Variants in HGFAC observed in about 807,000 individuals in gnomAD.
HGFAC encodes the protein hepatocyte growth factor activator serine protease.
A neutral mutation model predicts 70.6 loss-of-function variants in HGFAC; 76 were observed. The observed-to-expected ratio is 1.08, with a 90% confidence interval of 0.89 to 1.30. The LOEUF (loss-of-function observed/expected upper bound fraction) is 1.30. Ranked by LOEUF, HGFAC falls within the 50% of genes most tolerant of loss-of-function variation. The pLI is 0.00. For missense variants in HGFAC, 1,044 were observed against 933.7 expected, an observed-to-expected ratio of 1.12 and a Z score of -1.54; for synonymous variants, 464 against 405.3, an observed-to-expected ratio of 1.14 and a Z score of -1.74.
chr4:3,445,712 G>A (rs750945186), intron 9 of HGFAC: 1 of 693,448 alleles, frequency 1.4e-6, no homozygotes, highest in Non-Finnish European at 2.4e-6. Context: ...GGCTCCCTAG[G>A]ACCCCGGCGG....
Position 3,444,075 on chromosome 4 carries a change from A to G in HGFAC, c.512A>G (p.Asn171Ser), listed in dbSNP as rs190628296. ...LDPCASGPCL[N>S]GGSCSNTQDP... is the part of the protein sequence containing the mutation. Reference sequence around the variant, plus strand: ...CCCTGTGCCTCCGGCCCCTGCCTCAATGGAGGCTCCTGCTCCAATACCCAG... The same window carrying G: ...CCCTGTGCCTCCGGCCCCTGCCTCAGTGGAGGCTCCTGCTCCAATACCCAG... The change falls in exon 5 of 14, where the codon AAT becomes AGT. Residue 171 changes from asparagine to serine, a missense_variant. By Grantham distance (46) the Asn-to-Ser change is conservative (BLOSUM62 1). Transcript: ENST00000382774. The G allele has an allele frequency of 6.4e-5, 103 of 1,610,378 alleles. No individual in the cohort carries two copies. The highest frequency in any genetic ancestry group is 5.6e-4 in the African/African-American group (42 of 74,790).
In HGFAC at chr4:3,442,992, C is replaced by T. The variant is rs1017849175; in HGVS notation, c.299-58C>T. Reference sequence around the variant, plus strand: ...GAGGAGCATGGCTGCGGCTGGAGGTCCTGAGGGGCTCGGGTGCCCCTCGAG... The same window carrying T: ...GAGGAGCATGGCTGCGGCTGGAGGTTCTGAGGGGCTCGGGTGCCCCTCGAG... On this transcript the variant is annotated intron_variant, in intron 2 of 13. Coordinates refer to ENST00000382774, the MANE Select transcript of HGFAC (RefSeq NM_001528.4). 51 of 1,548,348 alleles carry T rather than the reference C, an allele frequency of 3.3e-5. No individual in the cohort carries two copies. The Admixed American group carries it at 7.2e-4, about 22-fold the overall frequency.
chr4:3,444,699 C>T lies in HGFAC; in HGVS notation c.807C>T (p.Cys269=), dbSNP rs1345218561. The T allele has an allele frequency of 6.3e-7, 1 of 1,597,188 alleles. No homozygotes were observed. The highest frequency in any genetic ancestry group is 1.1e-5 in the South Asian group (1 of 90,134). Residue 269 remains cysteine, a synonymous_variant, in exon 7 of 14, where the codon TGC becomes TGT. Coordinates refer to ENST00000382774, the MANE Select transcript of HGFAC (RefSeq NM_001528.4). The part of the protein sequence containing the change: ...IVATGTTVCA[C]PPGFAGRLCN... ...CCACCGGGACCACCGTGTGTGCCTG[C>T]CCACCAGGCTTCGCTGGACGGCTCT...
chr4:3,444,447 G>A lies in HGFAC; in HGVS notation c.730+5G>A, dbSNP rs565642688. On this transcript the variant is annotated splice_donor_5th_base_variant and intron_variant, in intron 6 of 13. Transcript: ENST00000382774. ...GCGAAGGCACCCGACATACAGGTGC[G>A]CCACGGGGTGTGAGCCGTGCCACTG... is the stretch of plus-strand genomic sequence containing the variant. 20 of 1,587,198 alleles carry A rather than the reference G, an allele frequency of 1.3e-5. No individual in the cohort carries two copies. The highest frequency in any genetic ancestry group is 4.5e-5 in the East Asian group (2 of 44,316).
chr4:3,446,875 G>A (rs967874803), intron 10 of HGFAC, among the ~76,000 whole-genome samples: 3 of 152,306 alleles, frequency 2.0e-5, no homozygotes, highest in South Asian at 4.2e-4. Flanking sequence ...AGGGTCTGGC[G>A]GCCTTTCGAG....
In HGFAC at chr4:3,443,333, C is replaced by T. The variant is rs1725377979; in HGVS notation, c.396-8C>T. The T allele has an allele frequency of 1.9e-6, 3 of 1,540,592 alleles. No homozygotes were observed. Among genetic ancestry groups the T allele is most frequent in the Non-Finnish European group, 2.6e-6 (3 of 1,141,764 alleles). On this transcript the variant is annotated splice_polypyrimidine_tract_variant and splice_region_variant and intron_variant, in intron 3 of 13. Coordinates refer to ENST00000382774, the MANE Select transcript of HGFAC (RefSeq NM_001528.4). ...GGGACCCCCATGCACGCAGGTGTCGCCCCCCAGGTGTGCCACAACTCACAA... is the reference window on the plus strand; with the variant it reads ...GGGACCCCCATGCACGCAGGTGTCGTCCCCCAGGTGTGCCACAACTCACAA...
In HGFAC at chr4:3,444,172, C is replaced by A. The variant is rs1436492757; in HGVS notation, c.598+11C>A. 4.4e-6 allele frequency: 7 copies of A among 1,594,986 alleles called. No individual in the cohort carries two copies. The Admixed American group carries it at 8.8e-5, about 20-fold the overall frequency. ...AGGACTGCGGCACAGGTGAGCTGGG[C>A]CTCGGAGGTCCGCAGGGGTCCAGGG... is the stretch of plus-strand genomic sequence containing the variant. On this transcript the variant is annotated intron_variant, in intron 5 of 13. Transcript: ENST00000382774.
rs554186741 is a variant in HGFAC at position 3,446,763 on chromosome 4, G to A, written c.1355+469G>A. The stretch of plus-strand genomic sequence containing the variant: ...CACCCAGGCCCACACTCTGGGAGGC[G>A]GGCCTCGAGTGGGGAGACCCTGAGA... On this transcript the variant is annotated intron_variant, in intron 10 of 13. Transcript: ENST00000382774. Among the ~76,000 whole-genome samples the A allele has an allele frequency of 4.6e-5, 7 of 152,272 alleles. 1 individual carries two copies. Among genetic ancestry groups the A allele is most frequent in the African/African-American group, 1.7e-4 (7 of 41,572 alleles).
intron 9 of HGFAC, 59 bp downstream of exon 9, chr4:3,445,409 C>T (rs1167076041): frequency 9.2e-6 from 11 of 1,198,110 alleles, no homozygotes; most frequent in African/African-American, 6.0e-5. Context: ...CAGTTTTCCC[C>T]GTGATCCTCC....
Position 3,444,336 on chromosome 4 carries a change from C to G in HGFAC, c.624C>G (p.Tyr208Ter). 6.3e-7 allele frequency: 1 copy of G among 1,596,552 alleles called. No individual in the cohort carries two copies. Among genetic ancestry groups the G allele is most frequent in the Non-Finnish European group, 8.5e-7 (1 of 1,172,654 alleles). Residue 208 changes from tyrosine to a stop codon, truncating the protein, a stop_gained, in exon 6 of 14, where the codon TAC becomes TAG. Coordinates refer to ENST00000382774, the MANE Select transcript of HGFAC (RefSeq NM_001528.4). LOFTEE classifies it high-confidence loss of function. ...GTEKCFDETRYEYLEGGDRWA... is the reference protein window; with the variant it reads ...GTEKCFDETR ...AGAAATGCTTTGATGAGACCCGCTA[C>G]GAGTACCTGGAGGGGGGCGACCGCT...
chr4:3,443,100 C>T lies in HGFAC; in HGVS notation c.349C>T (p.Arg117Cys), dbSNP rs140691145. 6.9e-6 allele frequency: 11 copies of T among 1,596,934 alleles called. No individual in the cohort carries two copies. Among genetic ancestry groups the T allele is most frequent in the East Asian group, 4.5e-5 (2 of 44,742 alleles). ...CAGGTTCCCCTTCCGCTACGGGGGC[C>T]GCATGCTGCATGCCTGCACTTCGGA... Reference protein sequence around the residue: ...PCRFPFRYGGRMLHACTSEGS... With the variant: ...PCRFPFRYGGCMLHACTSEGS... The change falls in exon 3 of 14, where the codon CGC (arginine) becomes TGC (cysteine). Residue 117 changes from arginine to cysteine, a missense_variant. Coordinates refer to ENST00000382774, the MANE Select transcript of HGFAC (RefSeq NM_001528.4).
At chr4:3,445,024 T>C (rs3752439) in intron 8 of HGFAC, 31 bp downstream of exon 8, 662,273 of 1,521,986 alleles carry the variant, frequency 0.44, 149,572 homozygotes, top group East Asian at 0.82. Flanking sequence ...GGCCGCCGCA[T>C]GCGGGGCAGG....
chr4:3,443,984 G>C, intron 4 of HGFAC, 55 bp from the exon 5 acceptor site: 3 of 1,517,804 alleles, frequency 2.0e-6, no homozygotes, highest in Non-Finnish European at 1.8e-6. Context: ...GAATGTCACA[G>C]AGGGACCCTG....
chr4:3,441,506 A>G (rs1725310838), upstream of HGFAC, among the ~76,000 whole-genome samples: 1 of 151,006 alleles, frequency 6.6e-6, no homozygotes, highest in Non-Finnish European at 1.5e-5. This position sits in a 1 kb window ranked among gnomAD's most constrained non-coding sequence, Gnocchi z 6.0. Flanking sequence ...AGGAGCCCCC[A>G]GTGCTGCCGT....
At chr4:3,442,956 G>A (rs3108673) in intron 2 of HGFAC, 44 bp downstream of exon 2, 1 of 1,557,716 alleles carries the variant, frequency 6.4e-7, no homozygotes, top group South Asian at 1.2e-5. Flanking sequence ...CTTCACCTTA[G>A]GGCTGGGTGG....
chr4:3,444,742 G>A lies in HGFAC; in HGVS notation c.841+9G>A. On this transcript the variant is annotated intron_variant, in intron 7 of 13. Coordinates refer to ENST00000382774, the MANE Select transcript of HGFAC (RefSeq NM_001528.4). ...ACGGCTCTGCAACATCGGTGAGTGG[G>A]TCAGCCCCCCGGGGTGCCCTGGGGC... 3 of 1,585,336 alleles carry A rather than the reference G, an allele frequency of 1.9e-6. No homozygotes were observed. The highest frequency in any genetic ancestry group is 1.1e-5 in the South Asian group (1 of 88,500).
intron 13 of HGFAC, among the ~76,000 whole-genome samples, chr4:3,448,879 C>T (rs1212491098): frequency 6.6e-6 from 1 of 152,114 alleles, no homozygotes; most frequent in African/African-American, 2.4e-5. Context: ...AGGATGGTTT[C>T]CTGGAGGAGG....
At chr4:3,446,989 TG>T (rs1231737552) in intron 10 of HGFAC, among the ~76,000 whole-genome samples, 2 of 152,090 alleles carry the variant, frequency 1.3e-5, no homozygotes, top group African/African-American at 4.8e-5. Flanking sequence ...TGTGGAGAAA[TG>T]GGGTTCCCCA....
At chr4:3,444,261 C>T in intron 5 of HGFAC, 50 bp from the exon 6 acceptor site, 1 of 1,566,212 alleles carries the variant, frequency 6.4e-7, no homozygotes, top group Non-Finnish European at 8.6e-7. Context: ...AGGGGCCCTG[C>T]ACGGGGACAG....
Sources: gnomAD v4.1 joint callset for allele counts (sites outside exome capture counted in the v4.1 genomes callset) on GRCh38, gnomAD v4.1.1 for gene constraint, Gnocchi (gnomAD v3.1) non-coding constraint, MANE v1.5 for transcripts, NCBI Gene and HGNC (gene_info 2026-07-23, HGNC 2026-07-21) for gene names.